Variants in SLC8A1 observed in about 807,000 individuals in gnomAD.
SLC8A1 encodes the protein solute carrier family 8 member A1, also known as sodium/calcium exchanger 1.
Under a neutral mutation model 68.3 loss-of-function variants are expected in SLC8A1, and 18 were observed. The ratio of observed to expected loss-of-function variants is 0.26; its 90% confidence interval spans 0.18 to 0.39. SLC8A1 has a LOEUF of 0.39. SLC8A1 is among the 10% of genes least tolerant of loss of function. The probability of loss-of-function intolerance (pLI) is 1.00; values close to 1 mark genes in which losing one functional copy is unlikely to be tolerated. For missense variants in SLC8A1, 985 were observed against 1,156.7 expected, an observed-to-expected ratio of 0.85 and a Z score of 2.15; for synonymous variants, 475 against 415.5, an observed-to-expected ratio of 1.14 and a Z score of -1.74.
chr2:40,399,907 C>T (rs1157009911), intron 2 of SLC8A1, among the ~76,000 whole-genome samples: 1 of 152,164 alleles, frequency 6.6e-6, no homozygotes, highest in East Asian at 1.9e-4. Context: ...AAGCAGACCG[C>T]CCGGCGCCAC....
chr2:40,460,765 G>A (rs551092708), intron 1 of SLC8A1, among the ~76,000 whole-genome samples: 1 of 152,082 alleles, frequency 6.6e-6, no homozygotes, highest in East Asian at 1.9e-4. Context: ...TAGAGATGGG[G>A]TTTTACCATG....
exon 8 of SLC8A1, chr2:40,108,824 T>A (rs1384834519): frequency 1.3e-5 from 2 of 152,180 alleles, no homozygotes; most frequent in African/African-American, 4.8e-5. Flanking sequence ...TATGTGATCT[T>A]CACATTAGAG....
chr2:40,126,915 C>T (rs2038235889), intron 7 of SLC8A1, among the ~76,000 whole-genome samples: 1 of 152,224 alleles, frequency 6.6e-6, no homozygotes, highest in Non-Finnish European at 1.5e-5. Context: ...ATAGTGGGGG[C>T]TCCTTAAGTA....
intron 2 of SLC8A1, among the ~76,000 whole-genome samples, chr2:40,365,376 C>T (rs1354216150): frequency 6.6e-6 from 1 of 152,050 alleles, no homozygotes. Context: ...ATCTAAATAA[C>T]CTGTAGAAAA....
At chr2:40,240,675 A>T (rs1042900243) in intron 2 of SLC8A1, among the ~76,000 whole-genome samples, 12 of 152,228 alleles carry the variant, frequency 7.9e-5, no homozygotes, top group African/African-American at 2.9e-4. Flanking sequence ...TTCATTCCAT[A>T]AATATTTCTT....
intron 2 of SLC8A1, among the ~76,000 whole-genome samples, chr2:40,218,626 G>T (rs1368064718): frequency 4.6e-5 from 7 of 151,824 alleles, no homozygotes; most frequent in Admixed American, 2.0e-4. Flanking sequence ...GGAAAAAAAA[G>T]GAGGCATATA....
At chr2:40,409,732 T>C (rs1691509576) in intron 2 of SLC8A1, among the ~76,000 whole-genome samples, 1 of 152,138 alleles carries the variant, frequency 6.6e-6, no homozygotes, top group African/African-American at 2.4e-5. Context: ...GCTCAAAATA[T>C]AGTGGGATTT....
intron 2 of SLC8A1, among the ~76,000 whole-genome samples, chr2:40,301,997 G>A (rs2071547375): frequency 6.6e-6 from 1 of 150,866 alleles, no homozygotes; most frequent in South Asian, 2.1e-4. Context: ...AAAGTAGCTG[G>A]TATTACAGGC....
At chr2:40,317,211 T>A (rs1221781549) in intron 2 of SLC8A1, among the ~76,000 whole-genome samples, 1 of 152,020 alleles carries the variant, frequency 6.6e-6, no homozygotes, top group African/African-American at 2.4e-5. Context: ...TTTTCTCAAT[T>A]CTCTTGTTCG....
chr2:40,136,425 A>G (rs1228789387), intron 7 of SLC8A1, among the ~76,000 whole-genome samples: 2 of 152,168 alleles, frequency 1.3e-5, no homozygotes, highest in Non-Finnish European at 2.9e-5. Context: ...AGATATATAG[A>G]TATTAATTCC....
chr2:40,102,829 G>A (rs1385709659), exon 8 of SLC8A1: 5 of 152,050 alleles, frequency 3.3e-5, no homozygotes, highest in Admixed American at 6.6e-5. Context: ...CAAATTCAAC[G>A]TGAGGGATTT....
upstream of SLC8A1, among the ~76,000 whole-genome samples, chr2:40,454,776 T>C (rs1055098729): frequency 8.5e-5 from 13 of 152,122 alleles, no homozygotes; most frequent in African/African-American, 3.1e-4. Context: ...AATCAAACCT[T>C]TTGCTCCCTC....
intron 2 of SLC8A1, among the ~76,000 whole-genome samples, chr2:40,408,337 G>A (rs909279807): frequency 1.3e-5 from 2 of 152,162 alleles, no homozygotes; most frequent in Admixed American, 6.6e-5. Flanking sequence ...CTTATCAACA[G>A]TTTGATAAAT....
At chr2:40,270,633 T>G (rs976130795) in intron 2 of SLC8A1, among the ~76,000 whole-genome samples, 1 of 152,176 alleles carries the variant, frequency 6.6e-6, no homozygotes, top group Non-Finnish European at 1.5e-5. Context: ...TGTGATTAGA[T>G]TGGAACCACT....
chr2:40,150,697 G>T (rs886602736), intron 6 of SLC8A1, among the ~76,000 whole-genome samples: 4 of 152,160 alleles, frequency 2.6e-5, no homozygotes, highest in Non-Finnish European at 4.4e-5. Context: ...TTTTCCTCAA[G>T]ATTTTATAAT....
At chr2:40,235,345 G>A (rs2060221379) in intron 2 of SLC8A1, among the ~76,000 whole-genome samples, 2 of 151,962 alleles carry the variant, frequency 1.3e-5, no homozygotes, top group Non-Finnish European at 2.9e-5. Flanking sequence ...TATGTGTCGA[G>A]GAATTTATCC....
At chr2:40,232,616 A>ACTACTTTTTTTTTTTATTG (rs2059809736) in intron 2 of SLC8A1, among the ~76,000 whole-genome samples, 1 of 123,770 alleles carries the variant, frequency 8.1e-6, no homozygotes, top group Non-Finnish European at 1.7e-5. Context: ...TTTTTTTTAT[A>ACTACTTTTTTTTTTTATTG]TACTTTAAGT....
At chr2:40,254,603 A>G (rs1553454999) in intron 2 of SLC8A1, 1 of 152,076 alleles carries the variant, frequency 6.6e-6, no homozygotes, top group Non-Finnish European at 1.5e-5. Context: ...CTTTTTTATT[A>G]TTTCTAATTT....
intron 7 of SLC8A1, among the ~76,000 whole-genome samples, chr2:40,134,622 G>A (rs2040135776): frequency 6.6e-6 from 1 of 152,128 alleles, no homozygotes; most frequent in African/African-American, 2.4e-5. Flanking sequence ...TCAAGAATAA[G>A]CAACACTAAA....
Sources: allele counts gnomAD v4.1 joint callset (sites outside exome capture counted in the v4.1 genomes callset), GRCh38; gene constraint gnomAD v4.1.1; transcripts MANE v1.5; gene names NCBI Gene and HGNC (gene_info 2026-07-23, HGNC 2026-07-21).